The following CIZ1 variants were observed in gnomAD, a reference collection of about 807,000 sequenced individuals.
CIZ1 encodes the protein cip1-interacting zinc finger protein.
In CIZ1, 58 loss-of-function variants were observed where a neutral mutation model predicts 118.6. The observed-to-expected ratio is 0.49, with a 90% CI of 0.40 to 0.61. The LOEUF (loss-of-function observed/expected upper bound fraction) is 0.61. Ranked by LOEUF, CIZ1 falls within the 20% of genes least tolerant of loss-of-function variation. The pLI, the probability that CIZ1 is intolerant of heterozygous loss-of-function variation, is 0.00. For synonymous variants in CIZ1, 448 were observed against 443.4 expected (o/e 1.01, Z -0.13); for missense variants, 921 against 1,115.9 (o/e 0.83, Z 2.49).
intron 11 of CIZ1, among the ~76,000 whole-genome samples, chr9:128,171,420 C>T (rs541915164): frequency 8.2e-5 from 12 of 146,070 alleles, no homozygotes; most frequent in African/African-American, 3.0e-4. Flanking sequence ...GAGAGAGACC[C>T]GGTCTCAAAA....
chr9:128,166,180 A>G lies in CIZ1; in HGVS notation c.*17T>C. 1 of 1,456,374 alleles carries G rather than the reference A, an allele frequency of 6.9e-7. No individual in the cohort carries two copies. Among genetic ancestry groups the G allele is most frequent in the Non-Finnish European group, 9.1e-7 (1 of 1,096,356 alleles). The allele number at this position is 1,456,374 out of a possible 1,614,324, so 90.2% of individuals were successfully genotyped here. A position where few individuals can be genotyped will look rare whatever the true frequency, so the allele number is the denominator to read the frequency against. On this transcript the variant is annotated 3_prime_UTR_variant, in exon 17 of 17. Coordinates refer to ENST00000372938, the MANE Select transcript of CIZ1 (RefSeq NM_001131016.2). This position sits in a 1 kb window ranked among gnomAD's most constrained non-coding sequence, Gnocchi z 4.4. ...AGATCTGGACCCAGGCAGGCCAGGG[A>G]CAGGGAGGTCCCTCTATCAGGTTTT...
chr9:128,181,854 G>T (rs186451585), intron 5 of CIZ1, among the ~76,000 whole-genome samples: 2 of 152,012 alleles, frequency 1.3e-5, no homozygotes, highest in Non-Finnish European at 2.9e-5. Flanking sequence ...CATCAGTCAG[G>T]CTTGCCCGCA....
upstream of CIZ1, among the ~76,000 whole-genome samples, chr9:128,195,820 T>C (rs925096235): frequency 2.6e-5 from 4 of 152,290 alleles, no homozygotes; most frequent in African/African-American, 9.6e-5. Flanking sequence ...AGATACTTCA[T>C]AGAATTTTGT....
Position 128,177,550 on chromosome 9 carries a change from T to TAAAC in CIZ1, c.1818+15_1818+16insGTTT. The TAAAC allele has an allele frequency of 2.3e-6, 1 of 428,766 alleles. No individual in the cohort carries two copies. The highest frequency in any genetic ancestry group is 4.3e-6 in the Non-Finnish European group (1 of 230,096). 26.6% of individuals were successfully genotyped at this position (428,766 alleles called of 1,614,324 possible). On this transcript the variant is annotated intron_variant, in intron 10 of 16. Transcript: ENST00000372938. ...CAGGCCCCACCCCTCCCCACCCTTA[T>TAAAC]CTCCTGTATCAGTACCTGCTGGCTG... is the stretch of plus-strand genomic sequence containing the variant.
upstream of CIZ1, among the ~76,000 whole-genome samples, chr9:128,193,314 G>T (rs542726024): frequency 6.6e-6 from 1 of 152,212 alleles, no homozygotes; most frequent in South Asian, 2.1e-4. Context: ...ACTGGAGAAG[G>T]GTGTGAACCT....
chr9:128,174,047 G>T (rs1830560510), intron 11 of CIZ1, among the ~76,000 whole-genome samples: 1 of 151,578 alleles, frequency 6.6e-6, no homozygotes, highest in African/African-American at 2.4e-5. Flanking sequence ...CAAAGAAATA[G>T]CTAAGGTAGG....
In CIZ1 at chr9:128,166,841, C is replaced by T. The variant is rs765346058; in HGVS notation, c.2405G>A (p.Arg802His). The T allele has an allele frequency of 4.3e-6, 7 of 1,614,018 alleles. No individual in the cohort carries two copies. The highest frequency in any genetic ancestry group is 4.5e-5 in the East Asian group (2 of 44,900). The stretch of plus-strand genomic sequence containing the variant: ...GCTGTGATAGAACTTGTGGCAGATG[C>T]GGCAGATATAGCCCATCACGGGCAC... ...FLVPVMGYIC[R>H]ICHKFYHSNS... Residue 802 changes from arginine (R) to histidine (H), a missense_variant, in exon 16 of 17, where the codon CGC becomes CAC. Transcript: ENST00000372938. This position sits in a 1 kb window ranked among gnomAD's most constrained non-coding sequence, Gnocchi z 4.4.
At chr9:128,193,287 C>T (rs1337022531), upstream of CIZ1, among the ~76,000 whole-genome samples, 1 of 152,126 alleles carries the variant, frequency 6.6e-6, no homozygotes, top group Non-Finnish European at 1.5e-5. Flanking sequence ...AGGCTTTATC[C>T]TCTAAGGGTA....
In CIZ1 at chr9:128,178,436, A is replaced by G. The variant is rs1460034621; in HGVS notation, c.1553T>C (p.Ile518Thr). Residue 518 changes from isoleucine (I) to threonine (T), a missense_variant, in exon 9 of 17, where the codon ATT (isoleucine) becomes ACT (threonine). Coordinates refer to ENST00000372938, the MANE Select transcript of CIZ1 (RefSeq NM_001131016.2). ...PVGTQVSMEE[I>T]QNESACGLDV... ...TAGGCCACAGGCCGACTCATTCTGAATCTCTTCCATGCTGACTTGGGTGCC... is the reference window on the plus strand; with the variant it reads ...TAGGCCACAGGCCGACTCATTCTGAGTCTCTTCCATGCTGACTTGGGTGCC... The G allele has an allele frequency of 6.2e-7, 1 of 1,613,928 alleles. No homozygotes were observed. The highest frequency in any genetic ancestry group is 8.5e-7 in the Non-Finnish European group (1 of 1,179,988).
In CIZ1 at chr9:128,203,836, A is replaced by G. The variant is rs2131064645; in HGVS notation, c.-6+350T>C. 6.9e-6 allele frequency among the ~76,000 whole-genome samples: 1 copy of G among 145,546 alleles called. No homozygotes were observed. The highest frequency in any genetic ancestry group is 2.2e-4 in the South Asian group (1 of 4,458). On this transcript the variant is annotated intron_variant, in intron 1 of 17. Coordinates refer to the CIZ1 transcript ENST00000372948. The surrounding 1 kb of genome is among the most constrained non-coding windows in gnomAD (Gnocchi z 5.3). Reference sequence around the variant, plus strand: ...AGCAGCGCCCCCCGCTAGTCTGCAAACGTCGTCAAGCCTCCGGCTACCGAA... The same window carrying G: ...AGCAGCGCCCCCCGCTAGTCTGCAAGCGTCGTCAAGCCTCCGGCTACCGAA...
intron 4 of CIZ1, among the ~76,000 whole-genome samples, chr9:128,186,066 C>T (rs1340243705): frequency 1.3e-5 from 2 of 152,018 alleles, no homozygotes; most frequent in South Asian, 2.1e-4. Flanking sequence ...TAGAGTCTGC[C>T]ATAGAGTAGG....
At chr9:128,170,176 A>AT (rs1207956037) in intron 11 of CIZ1, 69 bp from the exon 12 acceptor site, 1 of 1,338,308 alleles carries the variant, frequency 7.5e-7, no homozygotes, top group East Asian at 2.3e-5. Flanking sequence ...AGAGCGCTCC[A>AT]TAAGTGTAAT....
upstream of CIZ1, chr9:128,191,619 G>T (rs1473690582): frequency 1.7e-6 from 2 of 1,208,274 alleles, no homozygotes; most frequent in Admixed American, 4.4e-5. The surrounding 1 kb of genome is among the most constrained non-coding windows in gnomAD (Gnocchi z 5.5). Context: ...TCTGGGGGAC[G>T]GGAGGTCCAG....
At chr9:128,185,071 G>A (rs1040385671) in intron 5 of CIZ1, among the ~76,000 whole-genome samples, 9 of 152,222 alleles carry the variant, frequency 5.9e-5, no homozygotes, top group Admixed American at 5.2e-4. Context: ...CTGAGGTCAG[G>A]AGTTTGAGAC....
At chr9:128,201,708 GC>G (rs1833525855) in intron 1 of CIZ1, among the ~76,000 whole-genome samples, 1 of 152,174 alleles carries the variant, frequency 6.6e-6, no homozygotes, top group South Asian at 2.1e-4. Context: ...CTTAATAAGG[GC>G]CCCCTGAGCA....
chr9:128,169,630 G>A (rs1026734811), intron 12 of CIZ1, 111 bp from the exon 13 acceptor site: 1 of 1,551,538 alleles, frequency 6.4e-7, no homozygotes. Flanking sequence ...CACCATATCT[G>A]TAACAAGCCG....
chr9:128,190,284 G>A, intron 3 of CIZ1, 45 bp downstream of exon 3: 1 of 1,348,008 alleles, frequency 7.4e-7, no homozygotes. Context: ...CTGCTAGGGA[G>A]CTACCACTAA....
chr9:128,168,712 G>A, intron 14 of CIZ1: 1 of 299,516 alleles, frequency 3.3e-6, no homozygotes, highest in East Asian at 8.5e-5. Context: ...TCAAAAAGAT[G>A]TCTGCTGCTG....
intron 5 of CIZ1, 30 bp downstream of exon 5, chr9:128,185,517 C>G: frequency 5.7e-6 from 8 of 1,401,262 alleles, no homozygotes; most frequent in South Asian, 1.4e-5. Flanking sequence ...GGTCCCCTCC[C>G]GCCCACTCCC....
Sources: allele counts gnomAD v4.1 joint callset (sites outside exome capture counted in the v4.1 genomes callset), GRCh38; gene constraint gnomAD v4.1.1; non-coding constraint Gnocchi (gnomAD v3.1); transcripts MANE v1.5; gene names NCBI Gene and HGNC (gene_info 2026-07-23, HGNC 2026-07-21).